STIM2: variants seen among roughly 807,000 people sequenced by gnomAD.
STIM2 encodes the protein stromal interaction molecule 2.
STIM2 carries 31 observed loss-of-function variants against 85.8 expected under a neutral mutation model. The observed-to-expected ratio is 0.36, with a 90% CI of 0.27 to 0.49. The LOEUF (loss-of-function observed/expected upper bound fraction) is 0.49. Ranked by LOEUF, STIM2 falls within the 20% of genes least tolerant of loss-of-function variation. The pLI, the probability that STIM2 is intolerant of heterozygous loss-of-function variation, is 0.98. For synonymous variants in STIM2, 356 were observed against 331.1 expected, an observed-to-expected ratio of 1.08 and a Z score of -0.82; for missense variants, 841 against 927.6, an observed-to-expected ratio of 0.91 and a Z score of 1.21.
chr4:26,969,001 A>G (rs893263960), intron 3 of STIM2, among the ~76,000 whole-genome samples: 2 of 152,206 alleles, frequency 1.3e-5, no homozygotes, highest in African/African-American at 4.8e-5. Flanking sequence ...GCCTTATTAC[A>G]TATTTTGTTT....
chr4:26,898,860 A>G (rs752233846), intron 1 of STIM2, among the ~76,000 whole-genome samples: 9 of 152,130 alleles, frequency 5.9e-5, no homozygotes, highest in Non-Finnish European at 1.3e-4. Context: ...TAGAAATACA[A>G]TTAATTTTTA....
rs1362070320 is a variant in STIM2 at position 27,022,803 on chromosome 4, A to G, written c.2048A>G (p.Gln683Arg). 5 of 1,614,118 alleles carry G rather than the reference A, an allele frequency of 3.1e-6. No homozygotes were observed. The highest frequency in any genetic ancestry group is 4.2e-6 in the Non-Finnish European group (5 of 1,180,054). The change falls in exon 12 of 12, where the codon CAG (glutamine) becomes CGG (arginine). Residue 683 changes from glutamine to arginine, a missense_variant. Gln to Arg is a conservative substitution (Grantham distance 43). This residue lies in a region of STIM2 where 293 missense variants were observed against 284.5 expected (regional missense o/e 1.03). Transcript: ENST00000467087. The stretch of plus-strand genomic sequence containing the variant: ...TTGGAGAAATCCTGTAGCATGAACC[A>G]GCTTTCCAGTGGCATCCCGGTGCCT...
chr4:26,906,955 A>C (rs1258829582), intron 1 of STIM2, among the ~76,000 whole-genome samples: 1 of 134,794 alleles, frequency 7.4e-6, no homozygotes, highest in Non-Finnish European at 1.5e-5. Flanking sequence ...CGATAGAGTG[A>C]GACTCCGTCT....
chr4:26,917,419 G>A (rs1384714860), intron 1 of STIM2, among the ~76,000 whole-genome samples: 4 of 152,126 alleles, frequency 2.6e-5, no homozygotes, highest in African/African-American at 4.8e-5. Flanking sequence ...TCATTAGATA[G>A]TTGTTGAGTG....
chr4:27,004,710 A>G (rs1326118547), intron 7 of STIM2, among the ~76,000 whole-genome samples: 2 of 152,150 alleles, frequency 1.3e-5, no homozygotes, highest in East Asian at 3.8e-4. Context: ...AGTTACCAAA[A>G]TGTGATGTAT....
chr4:26,943,458 G>A (rs1385364093), intron 2 of STIM2, among the ~76,000 whole-genome samples: 1 of 152,090 alleles, frequency 6.6e-6, no homozygotes, highest in Admixed American at 6.6e-5. Context: ...TTGGCCAGTG[G>A]AAACTTACTT....
At chr4:26,994,222 A>T (rs140140923) in intron 3 of STIM2, among the ~76,000 whole-genome samples, 1 of 152,110 alleles carries the variant, frequency 6.6e-6, no homozygotes, top group Admixed American at 6.6e-5. Context: ...TCAAATGCAT[A>T]CTTCAAACAT....
In STIM2 at chr4:26,988,549, T is replaced by G. The variant is rs182252277; in HGVS notation, c.398-6830T>G. 2.0e-4 allele frequency among the ~76,000 whole-genome samples: 30 copies of G among 152,310 alleles called. No individual in the cohort carries two copies. In the East Asian group the frequency reaches 5.8e-3, roughly 29 times the overall value. The stretch of plus-strand genomic sequence containing the variant: ...CTGATTATTAGGACCACTTAGCTTA[T>G]TTTGAAGAGGCGGTGTTCCTGCACA... On this transcript the variant is annotated intron_variant, in intron 3 of 11. Coordinates refer to ENST00000467087, the MANE Select transcript of STIM2 (RefSeq NM_020860.4).
chr4:26,891,399 C>T (rs1214340547), intron 1 of STIM2, among the ~76,000 whole-genome samples: 4 of 152,122 alleles, frequency 2.6e-5, no homozygotes, highest in African/African-American at 7.2e-5. Context: ...AGAATTTGGA[C>T]TCAAGTAAAA....
intron 3 of STIM2, among the ~76,000 whole-genome samples, chr4:26,988,071 T>C (rs1727643916): frequency 6.6e-6 from 1 of 152,270 alleles, no homozygotes. Flanking sequence ...AGATAGTTGT[T>C]GGGGGTTAAA....
chr4:26,921,789 G>A (rs1326817548), intron 2 of STIM2, among the ~76,000 whole-genome samples: 1 of 152,126 alleles, frequency 6.6e-6, no homozygotes, highest in African/African-American at 2.4e-5. Flanking sequence ...TTGAGAGTGT[G>A]ATAGCTAAGA....
intron 1 of STIM2, among the ~76,000 whole-genome samples, chr4:26,888,054 A>C (rs1012120941): frequency 1.3e-5 from 2 of 152,214 alleles, no homozygotes; most frequent in Non-Finnish European, 2.9e-5. Flanking sequence ...TTCCAAGAAT[A>C]ATTTCCTTTG....
At chr4:26,947,520 G>T (rs1038186941) in intron 2 of STIM2, among the ~76,000 whole-genome samples, 1 of 152,120 alleles carries the variant, frequency 6.6e-6, no homozygotes, top group African/African-American at 2.4e-5. Context: ...CAGATTATCT[G>T]CAGTCAGAAG....
chr4:26,903,250 A>G lies in STIM2; in HGVS notation c.152-16254A>G, dbSNP rs115525050. On this transcript the variant is annotated intron_variant, in intron 1 of 11. Transcript: ENST00000467087. ...CCTTAAATCCATACTCTGCAACTGT[A>G]TGAATATTTGTTACAAAATACAAAT... Among the ~76,000 whole-genome samples, 282 of 152,256 alleles carry G rather than the reference A, an allele frequency of 1.9e-3. 1 individual carries two copies. Among genetic ancestry groups the G allele is most frequent in the African/African-American group, 6.4e-3 (267 of 41,564 alleles).
At chr4:26,961,382 A>C (rs530775246) in intron 3 of STIM2, among the ~76,000 whole-genome samples, 1 of 152,302 alleles carries the variant, frequency 6.6e-6, no homozygotes, top group East Asian at 1.9e-4. Flanking sequence ...GTCACATGTG[A>C]AATGATGTGA....
At chr4:26,972,815 G>A (rs1354890423) in intron 3 of STIM2, among the ~76,000 whole-genome samples, 1 of 152,140 alleles carries the variant, frequency 6.6e-6, no homozygotes, top group Admixed American at 6.5e-5. Context: ...AGAAGGAATG[G>A]TCCCAGCTCC....
At chr4:26,883,869 G>A (rs1303055526) in intron 1 of STIM2, among the ~76,000 whole-genome samples, 1 of 152,200 alleles carries the variant, frequency 6.6e-6, no homozygotes, top group Non-Finnish European at 1.5e-5. Flanking sequence ...ATTTTGGTAT[G>A]ATGGTGATAG....
At position 26,995,503 on chromosome 4, in the gene STIM2, T is replaced by A. The variant is rs760665909; in HGVS notation, c.509+13T>A. 2 of 1,520,176 alleles carry A rather than the reference T, an allele frequency of 1.3e-6. No individual in the cohort carries two copies. Among genetic ancestry groups the A allele is most frequent in the Admixed American group, 3.8e-5 (2 of 53,054 alleles). 94.2% of individuals were successfully genotyped at this position (1,520,176 alleles called of 1,614,324 possible). A position where few individuals can be genotyped will look rare whatever the true frequency, so the allele number is the denominator to read the frequency against. On this transcript the variant is annotated intron_variant, in intron 4 of 11. Transcript: ENST00000467087. The stretch of plus-strand genomic sequence containing the variant: ...CGACACTTCCCAGGTGAGTCTTTGT[T>A]ATGCAAATGTATTTTCCACTCAGGG...
At chr4:26,881,465 CA>C (rs33990831) in intron 1 of STIM2, 1,229 of 121,182 alleles carry the variant, frequency 0.01, 22 homozygotes, top group African/African-American at 0.032. Context: ...GACTCCATCT[CA>C]AAAAAAAAAA....
Sources: gnomAD v4.1 joint callset for allele counts (sites outside exome capture counted in the v4.1 genomes callset) on GRCh38, gnomAD v4.1.1 for gene constraint, gnomAD v4.1.1 regional missense constraint, MANE v1.5 for transcripts, NCBI Gene and HGNC (gene_info 2026-07-23, HGNC 2026-07-21) for gene names.